PTPRD: variants seen among roughly 807,000 people sequenced by gnomAD.
The protein encoded by PTPRD is receptor-type tyrosine-protein phosphatase delta.
Under a neutral mutation model 214.5 loss-of-function variants are expected in PTPRD, and 34 were observed. That is an observed-to-expected ratio of 0.16 (90% confidence interval 0.12 to 0.21). The LOEUF (loss-of-function observed/expected upper bound fraction) is 0.21. PTPRD is among the 10% of genes least tolerant of loss of function. The pLI is 1.00. For missense variants in PTPRD, 2,545 were observed against 2,398.7 expected (o/e 1.06, Z -1.27); for synonymous variants, 1,128 against 845.7 (o/e 1.33, Z -5.79).
intron 10 of PTPRD, among the ~76,000 whole-genome samples, chr9:9,020,252 T>C (rs1271854843): frequency 6.6e-6 from 1 of 152,184 alleles, no homozygotes; most frequent in Non-Finnish European, 1.5e-5. Flanking sequence ...GTGAAATATA[T>C]ATTTAATGTA....
At chr9:9,180,427 TCA>T (rs1455160534) in intron 10 of PTPRD, among the ~76,000 whole-genome samples, 2 of 119,892 alleles carry the variant, frequency 1.7e-5, no homozygotes, top group Non-Finnish European at 3.2e-5. Flanking sequence ...AAGGGGAACA[TCA>T]CACAGTGGGG....
intron 3 of PTPRD, among the ~76,000 whole-genome samples, chr9:10,301,187 G>A (rs2095851809): frequency 6.6e-6 from 1 of 152,108 alleles, no homozygotes; most frequent in African/African-American, 2.4e-5. Flanking sequence ...TGACTGTTAG[G>A]AGGAAAACTA....
rs548870301 is a variant in PTPRD at position 8,580,085 on chromosome 9, T to C, written c.353-51306A>G. On this transcript the variant is annotated intron_variant, in intron 14 of 45. Transcript: ENST00000381196. ...AATTATATTAAAGGGAAAATATATT[T>C]CTATTAATAACAAATGTGTCATGAT... 2.6e-5 allele frequency among the ~76,000 whole-genome samples: 4 copies of C among 152,312 alleles called. No homozygotes were observed. In the East Asian group the frequency reaches 7.7e-4, roughly 29 times the overall value.
At chr9:9,943,331 AG>A (rs1015762886) in intron 4 of PTPRD, among the ~76,000 whole-genome samples, 1 of 152,114 alleles carries the variant, frequency 6.6e-6, no homozygotes, top group African/African-American at 2.4e-5. Context: ...CCTGTACAGT[AG>A]TCAGATTAAA....
intron 7 of PTPRD, among the ~76,000 whole-genome samples, chr9:9,606,778 G>C (rs981600945): frequency 6.6e-6 from 1 of 151,538 alleles, no homozygotes; most frequent in African/African-American, 2.4e-5. Flanking sequence ...GTAGATAGAG[G>C]TGGACAAATA....
intron 5 of PTPRD, among the ~76,000 whole-genome samples, chr9:9,862,412 G>A (rs1174021811): frequency 2.0e-5 from 3 of 152,180 alleles, no homozygotes; most frequent in African/African-American, 4.8e-5. Flanking sequence ...AACCTGCCTG[G>A]TAAGTGTCAG....
At chr9:8,749,758 G>A (rs1467674308) in intron 11 of PTPRD, among the ~76,000 whole-genome samples, 1 of 152,086 alleles carries the variant, frequency 6.6e-6, no homozygotes, top group Non-Finnish European at 1.5e-5. Flanking sequence ...GAATATTTCT[G>A]AATACCAGGC....
At chr9:8,452,241 T>C (rs574134299) in intron 33 of PTPRD, among the ~76,000 whole-genome samples, 1 of 152,362 alleles carries the variant, frequency 6.6e-6, no homozygotes, top group South Asian at 2.1e-4. Flanking sequence ...TTTTGCTTAG[T>C]TTTCTTTCGA....
chr9:10,123,669 C>A (rs1250807356), intron 3 of PTPRD, among the ~76,000 whole-genome samples: 1 of 152,128 alleles, frequency 6.6e-6, no homozygotes, highest in Non-Finnish European at 1.5e-5. Context: ...TAAAAGAACA[C>A]CGTTATTTTG....
At chr9:8,598,414 T>G (rs539617527) in intron 14 of PTPRD, among the ~76,000 whole-genome samples, 1 of 152,016 alleles carries the variant, frequency 6.6e-6, no homozygotes, top group South Asian at 2.1e-4. Flanking sequence ...TGAGCCGAGA[T>G]CATGCCACTG....
At chr9:8,785,267 G>T (rs1285364355) in intron 11 of PTPRD, among the ~76,000 whole-genome samples, 1 of 152,182 alleles carries the variant, frequency 6.6e-6, no homozygotes, top group Non-Finnish European at 1.5e-5. Flanking sequence ...CAATGAAAGA[G>T]AAACCCAGTC....
chr9:10,318,662 G>A (rs1448913079), intron 3 of PTPRD, among the ~76,000 whole-genome samples: 4 of 151,814 alleles, frequency 2.6e-5, no homozygotes, highest in Non-Finnish European at 5.9e-5. Flanking sequence ...ACCCAGGCTG[G>A]AGTGCAGTGG....
intron 12 of PTPRD, among the ~76,000 whole-genome samples, chr9:8,724,429 G>A (rs566505224): frequency 2.7e-4 from 41 of 152,240 alleles, no homozygotes; most frequent in Admixed American, 2.0e-3. Flanking sequence ...CATCTACTCC[G>A]TAACTTCCAA....
chr9:10,553,583 T>C (rs577069392), intron 2 of PTPRD, among the ~76,000 whole-genome samples: 84 of 152,272 alleles, frequency 5.5e-4, no homozygotes, highest in African/African-American at 1.9e-3. Flanking sequence ...CACAAAATCA[T>C]TTCATATGCA....
chr9:9,080,350 G>C (rs1003296377), intron 10 of PTPRD, among the ~76,000 whole-genome samples: 3 of 152,054 alleles, frequency 2.0e-5, no homozygotes, highest in Middle Eastern at 3.4e-3. Flanking sequence ...AATTTAAAAC[G>C]GTTGTGCTCA....
At chr9:9,823,584 T>C (rs570244029) in intron 5 of PTPRD, among the ~76,000 whole-genome samples, 1 of 152,112 alleles carries the variant, frequency 6.6e-6, no homozygotes, top group Non-Finnish European at 1.5e-5. Context: ...TGAAACAACA[T>C]GAATGGAACT....
At chr9:8,583,439 C>T (rs1564514761) in intron 14 of PTPRD, among the ~76,000 whole-genome samples, 1 of 152,182 alleles carries the variant, frequency 6.6e-6, no homozygotes, top group Non-Finnish European at 1.5e-5. Flanking sequence ...CCTGCTTCAG[C>T]CTCCTGAGTA....
At chr9:9,421,446 A>G (rs1252189522) in intron 8 of PTPRD, among the ~76,000 whole-genome samples, 1 of 152,094 alleles carries the variant, frequency 6.6e-6, no homozygotes, top group Admixed American at 6.6e-5. Flanking sequence ...ATATTTCTGA[A>G]AACGAGTTGT....
chr9:9,513,611 T>TCA (rs1487249010), intron 8 of PTPRD, among the ~76,000 whole-genome samples: 1 of 45,286 alleles, frequency 2.2e-5, no homozygotes, highest in South Asian at 1.2e-3. Context: ...ATAAAAAATC[T>TCA]CAGTCTCATT....
Sources: gnomAD v4.1 joint callset for allele counts (sites outside exome capture counted in the v4.1 genomes callset) on GRCh38, gnomAD v4.1.1 for gene constraint, MANE v1.5 for transcripts, NCBI Gene and HGNC (gene_info 2026-07-23, HGNC 2026-07-21) for gene names.